Variants in GULP1 observed in about 807,000 individuals in gnomAD.
The protein encoded by GULP1 is GULP PTB domain containing engulfment adaptor 1.
In GULP1, 19 loss-of-function variants were observed where a neutral mutation model predicts 40.9. The observed-to-expected ratio is 0.46, with a 90% CI of 0.32 to 0.68. GULP1 has a LOEUF of 0.68. Among genes scored for constraint, GULP1 ranks in the 30% least tolerant of loss-of-function variants. GULP1 has a pLI of 0.03. For missense variants in GULP1, 312 were observed against 362.2 expected, an observed-to-expected ratio of 0.86 and a Z score of 1.12; for synonymous variants, 119 against 117.6, an observed-to-expected ratio of 1.01 and a Z score of -0.08.
At chr2:188,495,988 T>C (rs1361601285) in intron 4 of GULP1, among the ~76,000 whole-genome samples, 3 of 151,980 alleles carry the variant, frequency 2.0e-5, no homozygotes, top group Non-Finnish European at 2.9e-5. Flanking sequence ...TATGAAATTG[T>C]AGAACCAAAT....
chr2:188,505,509 T>G (rs2063816562), intron 4 of GULP1, among the ~76,000 whole-genome samples: 1 of 151,818 alleles, frequency 6.6e-6, no homozygotes. Context: ...TATTATAATA[T>G]ACAACAGCAT....
intron 9 of GULP1, among the ~76,000 whole-genome samples, chr2:188,575,673 C>T (rs1248589367): frequency 1.3e-5 from 2 of 151,800 alleles, no homozygotes; most frequent in Admixed American, 1.3e-4. Flanking sequence ...TGACTGAAAG[C>T]CAAAATAATT....
At chr2:188,403,007 T>C (rs1292538586) in intron 2 of GULP1, among the ~76,000 whole-genome samples, 1 of 152,168 alleles carries the variant, frequency 6.6e-6, no homozygotes, top group Non-Finnish European at 1.5e-5. Flanking sequence ...CCTTGTTTTA[T>C]TCATTACATG....
chr2:188,454,643 A>G (rs1240233126), intron 2 of GULP1, among the ~76,000 whole-genome samples: 1 of 152,216 alleles, frequency 6.6e-6, no homozygotes, highest in African/African-American at 2.4e-5. Context: ...TCTAATTCAA[A>G]TTGGATAAGA....
chr2:188,303,967 GC>G (rs1559089064), intron 1 of GULP1, among the ~76,000 whole-genome samples: 1 of 152,116 alleles, frequency 6.6e-6, no homozygotes, highest in East Asian at 1.9e-4. Flanking sequence ...TTGTCCTGGG[GC>G]CCCCCTCTGC....
chr2:188,441,384 G>T (rs190241435), intron 2 of GULP1, among the ~76,000 whole-genome samples: 1 of 152,180 alleles, frequency 6.6e-6, no homozygotes, highest in African/African-American at 2.4e-5. Flanking sequence ...GCTGAGGAGG[G>T]TTGATATTTA....
intron 7 of GULP1, among the ~76,000 whole-genome samples, chr2:188,565,347 AAGAC>A (rs979044467): frequency 6.6e-4 from 100 of 152,104 alleles, no homozygotes; most frequent in African/African-American, 2.3e-3. Context: ...CACAAATAAA[AAGAC>A]AAAACACCTA....
intron 2 of GULP1, among the ~76,000 whole-genome samples, chr2:188,459,814 G>A (rs970754455): frequency 6.6e-6 from 1 of 152,088 alleles, no homozygotes; most frequent in African/African-American, 2.4e-5. Context: ...TTGATTTGAT[G>A]TTTGTATATG....
At chr2:188,476,343 G>C (rs1404722481) in intron 2 of GULP1, among the ~76,000 whole-genome samples, 1 of 152,046 alleles carries the variant, frequency 6.6e-6, no homozygotes, top group African/African-American at 2.4e-5. Flanking sequence ...TTGGTCTCTC[G>C]TGAATTTATC....
intron 4 of GULP1, among the ~76,000 whole-genome samples, chr2:188,510,435 G>A (rs553310689): frequency 3.4e-4 from 52 of 151,906 alleles, no homozygotes; most frequent in Admixed American, 1.9e-3. Flanking sequence ...AGATTCCAGC[G>A]CACTTAAATT....
intron 9 of GULP1, among the ~76,000 whole-genome samples, chr2:188,580,117 C>A (rs1700956368): frequency 6.6e-6 from 1 of 152,168 alleles, no homozygotes; most frequent in Admixed American, 6.5e-5. Context: ...CAAAAATTTT[C>A]TCACAAAGAG....
chr2:188,345,088 A>G (rs913519103), intron 1 of GULP1, among the ~76,000 whole-genome samples: 1 of 152,086 alleles, frequency 6.6e-6, no homozygotes, highest in African/African-American at 2.4e-5. Context: ...GGCTCTGACA[A>G]AGGTACACTT....
chr2:188,368,773 T>C (rs1003516063), intron 1 of GULP1, among the ~76,000 whole-genome samples: 28 of 151,506 alleles, frequency 1.8e-4, no homozygotes, highest in African/African-American at 5.6e-4. Flanking sequence ...AGAACAGTTA[T>C]GTATAAATGA....
intron 1 of GULP1, among the ~76,000 whole-genome samples, chr2:188,305,026 C>T (rs1277527087): frequency 3.3e-5 from 5 of 152,040 alleles, no homozygotes; most frequent in African/African-American, 9.7e-5. Flanking sequence ...CAAGACTGCC[C>T]CTCATGCCCC....
At chr2:188,390,626 C>T (rs1477726035) in intron 2 of GULP1, among the ~76,000 whole-genome samples, 1 of 151,866 alleles carries the variant, frequency 6.6e-6, no homozygotes, top group Non-Finnish European at 1.5e-5. Flanking sequence ...TAATTAGGTC[C>T]CATTTATTTA....
At chr2:188,478,083 A>T (rs1228250772) in intron 3 of GULP1, among the ~76,000 whole-genome samples, 2 of 152,102 alleles carry the variant, frequency 1.3e-5, no homozygotes, top group African/African-American at 4.8e-5. Context: ...ACATAAGATT[A>T]TGGTAACATA....
chr2:188,485,123 A>G (rs559164214), intron 4 of GULP1, among the ~76,000 whole-genome samples: 2 of 152,244 alleles, frequency 1.3e-5, no homozygotes, highest in African/African-American at 2.4e-5. Context: ...GTGGAATTAT[A>G]TGCTCCAGTT....
rs557984410 is a variant in GULP1, at chr2:188,406,759, G to C, written c.-45+22870G>C. Among the ~76,000 whole-genome samples the C allele has an allele frequency of 3.3e-5, 5 of 152,122 alleles. No homozygotes were observed. The South Asian group carries it at 1.0e-3, about 32-fold the overall frequency. On this transcript the variant is annotated intron_variant, in intron 2 of 11. Transcript: ENST00000409830. ...AGAAGAACAAATGTTCAAGTTATCAGAGTTCATGAGGAAGAAAAATACAAA... is the reference window on the plus strand; with the variant it reads ...AGAAGAACAAATGTTCAAGTTATCACAGTTCATGAGGAAGAAAAATACAAA...
intron 2 of GULP1, among the ~76,000 whole-genome samples, chr2:188,455,247 C>A (rs2059161980): frequency 6.6e-6 from 1 of 152,158 alleles, no homozygotes; most frequent in African/African-American, 2.4e-5. Flanking sequence ...AATTTGTGAA[C>A]AAGTTTCAAC....
Sources: allele counts gnomAD v4.1 joint callset (sites outside exome capture counted in the v4.1 genomes callset), GRCh38; gene constraint gnomAD v4.1.1; transcripts MANE v1.5; gene names NCBI Gene and HGNC (gene_info 2026-07-23, HGNC 2026-07-21).